The following ZNF326 variants were observed in gnomAD, a reference collection of about 807,000 sequenced individuals.
ZNF326 encodes the protein DBIRD complex subunit ZNF326.
Under a neutral mutation model 63.1 loss-of-function variants are expected in ZNF326, and 30 were observed. The ratio of observed to expected loss-of-function variants is 0.48; its 90% CI spans 0.36 to 0.64. The LOEUF (loss-of-function observed/expected upper bound fraction) is 0.64. Ranked by LOEUF, ZNF326 falls within the 30% of genes least tolerant of loss-of-function variation. The pLI is 0.00. For missense variants in ZNF326, 609 were observed against 720.3 expected, an observed-to-expected ratio of 0.85 and a Z score of 1.77; for synonymous variants, 194 against 228.2, an observed-to-expected ratio of 0.85 and a Z score of 1.35.
chr1:89,995,521 G>A lies in ZNF326; in HGVS notation c.16+248G>A, dbSNP rs575423343. Among the ~76,000 whole-genome samples, 10 of 152,382 alleles carry A rather than the reference G, an allele frequency of 6.6e-5. No individual in the cohort carries two copies. The South Asian group carries it at 2.1e-3, about 32-fold the overall frequency. On this transcript the variant is annotated intron_variant, in intron 1 of 11. Transcript: ENST00000340281. ...GTGTCCGGTAGGACGCGCCTAGAGC[G>A]CGAGAGCCTCCGGGCTGGAGCCCCA...
In ZNF326 at chr1:90,010,249, A is replaced by G. The variant is rs766365795; in HGVS notation, c.777A>G (p.Ala259=). Residue 259 remains alanine (A), a synonymous_variant, in exon 6 of 12, where the codon GCA becomes GCG. Transcript: ENST00000340281. Reference sequence around the variant, plus strand: ...CCTTTATCAAGAAACCCAAACTAGCAAAACCTATGGAGAAGATAAGCCTCA... The same window carrying G: ...CCTTTATCAAGAAACCCAAACTAGCGAAACCTATGGAGAAGATAAGCCTCA... ...SGTFIKKPKL[A]KPMEKISLSK... 6.2e-7 allele frequency: 1 copy of G among 1,613,760 alleles called. No individual in the cohort carries two copies. Among genetic ancestry groups the G allele is most frequent in the Non-Finnish European group, 8.5e-7 (1 of 1,179,828 alleles).
chr1:90,008,608 A>G (rs904421763), intron 5 of ZNF326, among the ~76,000 whole-genome samples: 1 of 152,270 alleles, frequency 6.6e-6, no homozygotes, highest in African/African-American at 2.4e-5. Context: ...ATATAGTTTG[A>G]TCATTTAAAG....
At chr1:90,020,703 T>C in intron 9 of ZNF326, 89 bp from the exon 10 acceptor site, 1 of 1,313,328 alleles carries the variant, frequency 7.6e-7, no homozygotes, top group Non-Finnish European at 1.1e-6. Flanking sequence ...AGAAGGGGTA[T>C]AAATAATCAT....
Position 90,027,346 on chromosome 1 carries a change from G to A in ZNF326, c.1402-8G>A, listed in dbSNP as rs754980526. 6.2e-7 allele frequency: 1 copy of A among 1,612,314 alleles called. No homozygotes were observed. Among genetic ancestry groups the A allele is most frequent in the South Asian group, 1.1e-5 (1 of 90,744 alleles). The stretch of plus-strand genomic sequence containing the variant: ...GCTGATTTTGAAAGCCATTTCTTAT[G>A]TTTTTAGGGTGAGAATCCTTTTGAA... On this transcript the variant is annotated splice_polypyrimidine_tract_variant and splice_region_variant and intron_variant, in intron 11 of 11. Transcript: ENST00000340281.
intron 5 of ZNF326, among the ~76,000 whole-genome samples, chr1:90,009,718 T>A (rs978419874): frequency 6.6e-6 from 1 of 152,174 alleles, no homozygotes; most frequent in Non-Finnish European, 1.5e-5. Flanking sequence ...TAGGGTCTTT[T>A]CATGGGAAAA....
chr1:89,995,709 T>C (rs1027420784), intron 1 of ZNF326, among the ~76,000 whole-genome samples: 4 of 152,258 alleles, frequency 2.6e-5, no homozygotes, highest in Non-Finnish European at 4.4e-5. Flanking sequence ...GGGTTACTTC[T>C]TGCCAGATAG....
chr1:90,017,777 T>G (rs1160488956), intron 8 of ZNF326, among the ~76,000 whole-genome samples: 1 of 152,238 alleles, frequency 6.6e-6, no homozygotes, highest in Non-Finnish European at 1.5e-5. Flanking sequence ...TTATTTCAGT[T>G]GAGCCCTGTA....
rs550739092 is a variant in ZNF326, at chr1:89,995,156, C to G, written c.-102C>G. On this transcript the variant is annotated 5_prime_UTR_variant, in exon 1 of 12. Transcript: ENST00000340281. ...TCCCGGGCTGGTAGCGCGCCGCTCTCGGTCGCGCGGAGTGATCGTGTGGAA... is the reference window on the plus strand; with the variant it reads ...TCCCGGGCTGGTAGCGCGCCGCTCTGGGTCGCGCGGAGTGATCGTGTGGAA... 111 of 1,402,006 alleles carry G rather than the reference C, an allele frequency of 7.9e-5. No individual in the cohort carries two copies. The South Asian group carries it at 1.2e-3, about 16-fold the overall frequency. The allele number at this position is 1,402,006 out of a possible 1,614,324, so 86.8% of individuals were successfully genotyped here. A position where few individuals can be genotyped will look rare whatever the true frequency, so the allele number is the denominator to read the frequency against.
Position 90,020,916 on chromosome 1 carries a change from G to A in ZNF326, c.1299G>A (p.Gly433=). ...TAAAATCTCCTGATCATATCAAAGG[G>A]AAGCAGGTAAAATTTTCATCTGTCT... ...QHLKSPDHIK[G]KQAYKEQIKR... Residue 433 remains glycine, a synonymous_variant, in exon 10 of 12, where the codon GGG becomes GGA. Coordinates refer to ENST00000340281, the MANE Select transcript of ZNF326 (RefSeq NM_182976.4). 1 of 1,611,492 alleles carries A rather than the reference G, an allele frequency of 6.2e-7. No homozygotes were observed. The highest frequency in any genetic ancestry group is 2.2e-5 in the East Asian group (1 of 44,754).
rs1287474425 is a variant in ZNF326 at position 90,035,320 on chromosome 1, G to A, written c.*7619G>A. The A allele has an allele frequency of 6.6e-6, 1 of 152,138 alleles. No homozygotes were observed. The highest frequency in any genetic ancestry group is 1.5e-5 in the Non-Finnish European group (1 of 67,996). The allele number at this position is 152,138 out of a possible 1,614,324, so 9.4% of individuals were successfully genotyped here. ...AAACTATTAGAAATGACAAAAGGTA[G>A]TTTTGTTTAATAGTTCACCATGAAA... On this transcript the variant is annotated 3_prime_UTR_variant, in exon 12 of 12. Coordinates refer to ENST00000340281, the MANE Select transcript of ZNF326 (RefSeq NM_182976.4).
chr1:90,009,105 T>C (rs576184279), intron 5 of ZNF326, among the ~76,000 whole-genome samples: 1 of 152,298 alleles, frequency 6.6e-6, no homozygotes, highest in African/African-American at 2.4e-5. Flanking sequence ...TGTGTTTTCT[T>C]AATGAGGCTT....
intron 7 of ZNF326, among the ~76,000 whole-genome samples, chr1:90,016,513 C>T (rs193104644): frequency 1.3e-5 from 2 of 151,886 alleles, no homozygotes; most frequent in African/African-American, 4.8e-5. Flanking sequence ...GTCAGGAGTT[C>T]AAGACCAGCC....
intron 2 of ZNF326, among the ~76,000 whole-genome samples, chr1:90,001,260 T>C (rs1039345072): frequency 6.6e-6 from 1 of 152,196 alleles, no homozygotes; most frequent in Non-Finnish European, 1.5e-5. Context: ...TTCTTAGATG[T>C]TATTTTAAGC....
In ZNF326 at chr1:90,017,331, G is replaced by A. The variant is rs1012229228; in HGVS notation, c.941G>A (p.Cys314Tyr). Residue 314 changes from cysteine to tyrosine, a missense_variant, in exon 8 of 12, where the codon TGT (cysteine) becomes TAT (tyrosine). Around this residue, in one of 3 missense-constraint regions of ZNF326, gnomAD observed 399 missense variants for 444.3 expected, o/e 0.90. Transcript: ENST00000340281. ...TTCTCTTACAGAATGGCATTTACAT[G>A]TTCATTTTGTAAATTTCGAACATTT... ...YGDGYRMAFT[C>Y]SFCKFRTFEE... The A allele has an allele frequency of 6.3e-7, 1 of 1,595,618 alleles. No homozygotes were observed. The highest frequency in any genetic ancestry group is 2.3e-5 in the East Asian group (1 of 44,370).
chr1:90,005,203 A>G lies in ZNF326; in HGVS notation c.168A>G (p.Ser56=). 1 of 1,614,070 alleles carries G rather than the reference A, an allele frequency of 6.2e-7. No individual in the cohort carries two copies. Among genetic ancestry groups the G allele is most frequent in the Middle Eastern group, 1.6e-4 (1 of 6,062 alleles). The change falls in exon 4 of 12, where the codon TCA becomes TCG. Residue 56 remains serine (S), a synonymous_variant. Coordinates refer to ENST00000340281, the MANE Select transcript of ZNF326 (RefSeq NM_182976.4). ...CCATGGATTCCTACCTAAACCAGTC[A>G]TATGGCATGGACAATCACAGTGGTG... ...QRSMDSYLNQ[S]YGMDNHSGGG...
At chr1:90,017,686 G>A (rs533514004) in intron 8 of ZNF326, among the ~76,000 whole-genome samples, 167 of 152,274 alleles carry the variant, frequency 1.1e-3, no homozygotes, top group Admixed American at 2.2e-3. Context: ...CAGTTTCTGC[G>A]GGAGGTGTCC....
In ZNF326 at chr1:90,027,951, T is replaced by A. The variant is rs984647839; in HGVS notation, c.*250T>A. ...TGTTTGTATAATTTTTAAGCTTAAT[T>A]TTTATTACTTTATTGGTGTTAAGGA... On this transcript the variant is annotated 3_prime_UTR_variant, in exon 12 of 12. Transcript: ENST00000340281. The A allele has an allele frequency of 1.9e-5, 9 of 463,462 alleles. No individual in the cohort carries two copies. The highest frequency in any genetic ancestry group is 4.0e-5 in the Admixed American group (1 of 25,274). 28.7% of individuals were successfully genotyped at this position (463,462 alleles called of 1,614,324 possible). A position where few individuals can be genotyped will look rare whatever the true frequency, so the allele number is the denominator to read the frequency against.
In ZNF326 at chr1:90,010,086, A is replaced by G; in HGVS notation, c.616-2A>G. The G allele has an allele frequency of 6.2e-7, 1 of 1,611,332 alleles. No homozygotes were observed. The highest frequency in any genetic ancestry group is 8.5e-7 in the Non-Finnish European group (1 of 1,178,656). On this transcript the variant is annotated splice_acceptor_variant, in intron 5 of 11. Coordinates refer to ENST00000340281, the MANE Select transcript of ZNF326 (RefSeq NM_182976.4). LOFTEE classifies it high-confidence loss of function. The stretch of plus-strand genomic sequence containing the variant: ...ATATTTATTGATTTCACAAATTTAC[A>G]GCATATGGGTGATTTTGGAAGCATT...
intron 7 of ZNF326, among the ~76,000 whole-genome samples, chr1:90,014,101 TAAC>T (rs920597589): frequency 7.3e-5 from 11 of 150,470 alleles, no homozygotes; most frequent in African/African-American, 2.7e-4. Flanking sequence ...AACAATGAAA[TAAC>T]AACAAAAATC....
Sources: allele counts gnomAD v4.1 joint callset (sites outside exome capture counted in the v4.1 genomes callset), GRCh38; gene constraint gnomAD v4.1.1; regional missense constraint gnomAD v4.1.1; transcripts MANE v1.5; gene names NCBI Gene and HGNC (gene_info 2026-07-23, HGNC 2026-07-21).